Variants in TTC28 observed in about 807,000 individuals in gnomAD.
The protein encoded by TTC28 is tetratricopeptide repeat protein 28.
A neutral mutation model predicts 198.0 loss-of-function variants in TTC28; 61 were observed. The ratio of observed to expected loss-of-function variants is 0.31; its 90% confidence interval spans 0.25 to 0.38. TTC28 has a LOEUF of 0.38. Ranked by LOEUF, TTC28 falls within the 10% of genes least tolerant of loss-of-function variation. The pLI is 1.00. For synonymous variants in TTC28, 1,171 were observed against 1,297.8 expected (o/e 0.90, Z 2.10); for missense variants, 2,678 against 3,164.0 (o/e 0.85, Z 3.69).
At chr22:28,216,409 T>C (rs1004449727) in intron 5 of TTC28, among the ~76,000 whole-genome samples, 2 of 152,180 alleles carry the variant, frequency 1.3e-5, no homozygotes, top group Non-Finnish European at 2.9e-5. Flanking sequence ...AATTCATTAA[T>C]AAGTCTAACT....
In TTC28 at chr22:28,629,780, C is replaced by G. The variant is rs1246973732; in HGVS notation, c.153G>C (p.Pro51=). The change falls in exon 2 of 23, where the codon CCG becomes CCC. Residue 51 remains proline (P), a synonymous_variant. Coordinates refer to ENST00000397906, the MANE Select transcript of TTC28 (RefSeq NM_001145418.2). ...CAACAAATTCAGCTTTGCTCAGTAC[C>G]GGTCCATCAGGACTTCTCTGGCCAA... ...DTIGQRSPDG[P]VLSKAEFVEK... 6.4e-7 allele frequency: 1 copy of G among 1,551,668 alleles called. No homozygotes were observed. The highest frequency in any genetic ancestry group is 8.7e-7 in the Non-Finnish European group (1 of 1,146,956).
chr22:28,285,590 A>T (rs2044669242), intron 5 of TTC28, among the ~76,000 whole-genome samples: 1 of 152,196 alleles, frequency 6.6e-6, no homozygotes, highest in Admixed American at 6.5e-5. Flanking sequence ...ACAAACGATA[A>T]CTAAGTATGA....
intron 2 of TTC28, among the ~76,000 whole-genome samples, chr22:28,361,253 G>A (rs553621611): frequency 6.6e-6 from 1 of 152,308 alleles, no homozygotes; most frequent in Admixed American, 6.5e-5. Flanking sequence ...TAAAAGCTAG[G>A]CCTCTTGCAC....
intron 6 of TTC28, among the ~76,000 whole-genome samples, chr22:28,145,076 A>G (rs1473465726): frequency 6.6e-6 from 1 of 152,190 alleles, no homozygotes; most frequent in East Asian, 1.9e-4. Flanking sequence ...CAGAAAAATA[A>G]TCTCCTTAAA....
At chr22:28,036,197 A>C (rs1939336840) in intron 12 of TTC28, among the ~76,000 whole-genome samples, 1 of 152,236 alleles carries the variant, frequency 6.6e-6, no homozygotes, top group Non-Finnish European at 1.5e-5. Context: ...CATTCTTCTC[A>C]GCATCACATC....
intron 6 of TTC28, among the ~76,000 whole-genome samples, chr22:28,128,702 C>G (rs1942978695): frequency 6.6e-6 from 1 of 152,016 alleles, no homozygotes. Context: ...CCATGCCCGG[C>G]TAATTTTTAT....
In TTC28 at chr22:28,505,256, CAAAAAAA is replaced by C. The variant is rs35503278; in HGVS notation, c.381+124289_381+124295del. On this transcript the variant is annotated intron_variant, in intron 2 of 22. Coordinates refer to ENST00000397906, the MANE Select transcript of TTC28 (RefSeq NM_001145418.2). ...TGGGCAACAGAGCGAGACTCCGTCTCAAAAAAAAAAAAAAAAAAAAAAGTTTAAAACT... is the reference window on the plus strand; with the variant it reads ...TGGGCAACAGAGCGAGACTCCGTCTCAAAAAAAAAAAAAAAGTTTAAAACT... Among the ~76,000 whole-genome samples, 25 of 75,390 alleles carry C rather than the reference CAAAAAAA, an allele frequency of 3.3e-4. No homozygotes were observed. In the Admixed American group the frequency reaches 3.6e-3, roughly 11 times the overall value. 49.5% of individuals were successfully genotyped at this position (75,390 alleles called of 152,430 possible). A position where few individuals can be genotyped will look rare whatever the true frequency, so the allele number is the denominator to read the frequency against.
At chr22:28,117,964 G>T (rs1942677269) in intron 6 of TTC28, among the ~76,000 whole-genome samples, 1 of 152,124 alleles carries the variant, frequency 6.6e-6, no homozygotes, top group Non-Finnish European at 1.5e-5. Flanking sequence ...GTCACACAAA[G>T]GATAAATACT....
intron 2 of TTC28, among the ~76,000 whole-genome samples, chr22:28,550,768 A>T (rs1420414269): frequency 6.6e-6 from 1 of 152,138 alleles, no homozygotes; most frequent in African/African-American, 2.4e-5. Context: ...TTCCAGAATT[A>T]AAAAATAAAA....
intron 10 of TTC28, among the ~76,000 whole-genome samples, chr22:28,097,476 C>T (rs1224713977): frequency 1.3e-5 from 2 of 152,196 alleles, no homozygotes; most frequent in African/African-American, 4.8e-5. Context: ...TTCTCTATCT[C>T]AAGCTTTTCC....
chr22:28,175,506 T>G (rs997921629), intron 5 of TTC28, among the ~76,000 whole-genome samples: 1 of 151,508 alleles, frequency 6.6e-6, no homozygotes, highest in African/African-American at 2.4e-5. Flanking sequence ...CCGAGGCGGG[T>G]GGATGCCCTG....
intron 2 of TTC28, among the ~76,000 whole-genome samples, chr22:28,524,093 T>G (rs922256270): frequency 1.3e-5 from 2 of 152,148 alleles, no homozygotes; most frequent in African/African-American, 4.8e-5. Flanking sequence ...TTTACCAAAA[T>G]TTACTTCTAT....
intron 5 of TTC28, among the ~76,000 whole-genome samples, chr22:28,173,265 T>A (rs576677265): frequency 2.1e-4 from 32 of 152,300 alleles, no homozygotes; most frequent in African/African-American, 7.7e-4. Context: ...TAAGCTTAGA[T>A]CTGAAACGTG....
intron 5 of TTC28, among the ~76,000 whole-genome samples, chr22:28,295,452 T>C (rs532712827): frequency 6.6e-6 from 1 of 152,354 alleles, no homozygotes; most frequent in African/African-American, 2.4e-5. Context: ...CCGGGCACTT[T>C]ACATATATTA....
intron 12 of TTC28, among the ~76,000 whole-genome samples, chr22:28,034,614 C>T (rs1418868480): frequency 6.6e-6 from 1 of 152,218 alleles, no homozygotes; most frequent in Non-Finnish European, 1.5e-5. Context: ...CTGGACCCTG[C>T]CCTAGTCTTC....
chr22:27,985,915 C>CTAAGGATT (rs1937196347), intron 21 of TTC28: 1 of 154,674 alleles, frequency 6.5e-6, no homozygotes, highest in South Asian at 2.1e-4. Context: ...GGGTGCTGCT[C>CTAAGGATT]CCTAATTCTA....
rs71316840 is a variant in TTC28, at chr22:28,466,820, T to TACATACACACAC, written c.382-160178_382-160177insGTGTGTGTATGT. On this transcript the variant is annotated intron_variant, in intron 2 of 22. Coordinates refer to ENST00000397906, the MANE Select transcript of TTC28 (RefSeq NM_001145418.2). ...AGTATTCTCACATTATATACATACA[T>TACATACACACAC]ACACACACACACACACACACACACA... Among the ~76,000 whole-genome samples, 414 of 143,904 alleles carry TACATACACACAC rather than the reference T, an allele frequency of 2.9e-3. 6 individuals carry two copies. In the East Asian group the frequency reaches 0.038, roughly 13 times the overall value. The allele number at this position is 143,904 out of a possible 152,430, so 94.4% of individuals were successfully genotyped here.
chr22:28,443,852 T>A (rs1180996587), intron 2 of TTC28, among the ~76,000 whole-genome samples: 1 of 152,062 alleles, frequency 6.6e-6, no homozygotes, highest in Non-Finnish European at 1.5e-5. Context: ...TCAAAAGACA[T>A]ACTTAGACTT....
chr22:28,532,135 A>G (rs1178143951), intron 2 of TTC28, among the ~76,000 whole-genome samples: 2 of 152,184 alleles, frequency 1.3e-5, no homozygotes, highest in African/African-American at 4.8e-5. Context: ...TTCTGAAAAG[A>G]TCAACAAAAT....
Sources: gnomAD v4.1 joint callset for allele counts (sites outside exome capture counted in the v4.1 genomes callset) on GRCh38, gnomAD v4.1.1 for gene constraint, MANE v1.5 for transcripts, NCBI Gene and HGNC (gene_info 2026-07-23, HGNC 2026-07-21) for gene names.